The following GUCA1A variants were observed in gnomAD, a reference collection of about 807,000 sequenced individuals.
GUCA1A encodes the protein guanylyl cyclase-activating protein 1.
In GUCA1A, 14 loss-of-function variants were observed where a neutral mutation model predicts 18.5. The observed-to-expected ratio is 0.76, with a 90% confidence interval of 0.50 to 1.18. The LOEUF is 1.18. Among genes scored for constraint, GUCA1A ranks in the 50% most tolerant of loss-of-function variants. The probability of loss-of-function intolerance (pLI) is 0.00; values close to 1 mark genes in which losing one functional copy is unlikely to be tolerated. For missense variants in GUCA1A, 264 were observed against 262.4 expected, an observed-to-expected ratio of 1.01 and a Z score of -0.04; for synonymous variants, 97 against 100.2, an observed-to-expected ratio of 0.97 and a Z score of 0.19.
In GUCA1A at chr6:42,179,500, C is replaced by A; in HGVS notation, c.*97C>A. 1.9e-6 allele frequency: 2 copies of A among 1,076,062 alleles called. No homozygotes were observed. The highest frequency in any genetic ancestry group is 2.6e-6 in the Non-Finnish European group (2 of 758,850). The allele number at this position is 1,076,062 out of a possible 1,614,324, so 66.7% of individuals were successfully genotyped here. A position where few individuals can be genotyped will look rare whatever the true frequency, so the allele number is the denominator to read the frequency against. ...TTAACCCTAGATAGAATCTAATGAA[C>A]TCAGAGGCTTAGCTCGCCTCTTTAG... On this transcript the variant is annotated 3_prime_UTR_variant, in exon 4 of 4. Transcript: ENST00000372958.
At chr6:42,177,491 T>C (rs1297460436) in intron 1 of GUCA1A, among the ~76,000 whole-genome samples, 1 of 152,064 alleles carries the variant, frequency 6.6e-6, no homozygotes, top group Non-Finnish European at 1.5e-5. Context: ...TTATCCAAGG[T>C]GATTTAGATC....
intron 3 of GUCA1A, among the ~76,000 whole-genome samples, 170 bp downstream of exon 3, chr6:42,179,065 AG>A (rs1444660428): frequency 6.6e-5 from 10 of 151,942 alleles, no homozygotes; most frequent in Admixed American, 5.2e-4. Context: ...GTTGGCTTTT[AG>A]GGGCCCCTGG....
Position 42,173,563 on chromosome 6 carries a change from AG to A in GUCA1A, c.-50del, listed in dbSNP as rs1562056729. On this transcript the variant is annotated 5_prime_UTR_variant, in exon 1 of 4. Coordinates refer to ENST00000372958, the MANE Select transcript of GUCA1A (RefSeq NM_001384910.1). ...GCCAAGACACCTTTGGGCGAGGAGC[AG>A]CGAACAGGGCCTGTCCATCTCAGAC... The A allele has an allele frequency of 6.9e-7, 1 of 1,456,288 alleles. No homozygotes were observed. Among genetic ancestry groups the A allele is most frequent in the Admixed American group, 1.7e-5 (1 of 59,850 alleles). The allele number at this position is 1,456,288 out of a possible 1,614,324, so 90.2% of individuals were successfully genotyped here. A position where few individuals can be genotyped will look rare whatever the true frequency, so the allele number is the denominator to read the frequency against.
In GUCA1A at chr6:42,177,731, G is replaced by T. The variant is rs79104246; in HGVS notation, c.202-549G>T. Among the ~76,000 whole-genome samples, 617 of 152,310 alleles carry T rather than the reference G, an allele frequency of 4.1e-3. 1 individual carries two copies. The highest frequency in any genetic ancestry group is 0.013 in the African/African-American group (525 of 41,568). On this transcript the variant is annotated intron_variant, in intron 1 of 3. Transcript: ENST00000372958. Reference sequence around the variant, plus strand: ...TAGGGGCCTCTCTGGGCTCTGTGCTGATGACAGTCCTGGGAGGTGGGTTGG... The same window carrying T: ...TAGGGGCCTCTCTGGGCTCTGTGCTTATGACAGTCCTGGGAGGTGGGTTGG...
intron 1 of GUCA1A, among the ~76,000 whole-genome samples, chr6:42,175,138 G>C (rs957778294): frequency 4.6e-5 from 7 of 152,130 alleles, no homozygotes; most frequent in Non-Finnish European, 7.4e-5. Flanking sequence ...CCCGAAGAAG[G>C]AATAACTCCT....
chr6:42,175,043 G>A lies in GUCA1A; in HGVS notation c.201+1229G>A, dbSNP rs979392013. On this transcript the variant is annotated intron_variant, in intron 1 of 3. Coordinates refer to ENST00000372958, the MANE Select transcript of GUCA1A (RefSeq NM_001384910.1). ...TATGAGGGAGCCCAAGGGCTTTCCC[G>A]AAGCGGGAGCAGGTGAGCAGAGTCC... is the stretch of plus-strand genomic sequence containing the variant. Among the ~76,000 whole-genome samples, 7 of 152,210 alleles carry A rather than the reference G, an allele frequency of 4.6e-5. No homozygotes were observed. The South Asian group carries it at 8.3e-4, about 18-fold the overall frequency.
chr6:42,173,846 G>C, intron 1 of GUCA1A, 32 bp downstream of exon 1: 7 of 1,525,036 alleles, frequency 4.6e-6, no homozygotes, highest in African/African-American at 1.4e-5. Flanking sequence ...GGGAGGGGAA[G>C]TGCTGGAGGG....
At chr6:42,176,491 T>C (rs1175811876) in intron 1 of GUCA1A, among the ~76,000 whole-genome samples, 18 of 152,124 alleles carry the variant, frequency 1.2e-4, no homozygotes, top group Admixed American at 1.2e-3. Flanking sequence ...TGGAGTGCAA[T>C]GGCACGATCT....
In GUCA1A at chr6:42,179,346, C is replaced by A. The variant is rs752273770; in HGVS notation, c.549C>A (p.Leu183=). 13 of 1,613,164 alleles carry A rather than the reference C, an allele frequency of 8.1e-6. No individual in the cohort carries two copies. The highest frequency in any genetic ancestry group is 1.1e-5 in the South Asian group (1 of 90,992). The stretch of plus-strand genomic sequence containing the variant: ...ACCTTACCCGCATCGTGCGCAGGCT[C>A]CAGAATGGCGAGCAAGACGAGGAGG... ...SLDLTRIVRR[L]QNGEQDEEGA... Residue 183 remains leucine (L), a synonymous_variant, in exon 4 of 4, where the codon CTC becomes CTA. Coordinates refer to ENST00000372958, the MANE Select transcript of GUCA1A (RefSeq NM_001384910.1).
At chr6:42,178,256 AC>A (rs747342114) in intron 1 of GUCA1A, 23 bp from the exon 2 acceptor site, 2 of 1,612,446 alleles carry the variant, frequency 1.2e-6, no homozygotes, top group Non-Finnish European at 1.7e-6. Context: ...GGATGGGCTC[AC>A]GGCGGCCGCG....
chr6:42,173,512 T>C lies in GUCA1A; in HGVS notation c.-102T>C, dbSNP rs374500273. 12 of 886,380 alleles carry C rather than the reference T, an allele frequency of 1.4e-5. No homozygotes were observed. The highest frequency in any genetic ancestry group is 2.1e-5 in the Non-Finnish European group (11 of 534,394). The allele number at this position is 886,380 out of a possible 1,614,324, so 54.9% of individuals were successfully genotyped here. A position where few individuals can be genotyped will look rare whatever the true frequency, so the allele number is the denominator to read the frequency against. On this transcript the variant is annotated 5_prime_UTR_variant, in exon 1 of 4. Coordinates refer to ENST00000372958, the MANE Select transcript of GUCA1A (RefSeq NM_001384910.1). ...TGCTCAGGCCTGAAGGACTCAGGCCTGTGAGAGAGGACGGCCCCGTTGTCG... is the reference window on the plus strand; with the variant it reads ...TGCTCAGGCCTGAAGGACTCAGGCCCGTGAGAGAGGACGGCCCCGTTGTCG...
At chr6:42,175,032 A>G (rs928796238) in intron 1 of GUCA1A, among the ~76,000 whole-genome samples, 1 of 152,214 alleles carries the variant, frequency 6.6e-6, no homozygotes, top group Admixed American at 6.5e-5. Flanking sequence ...AGGGAGCCCA[A>G]GGGCTTTCCC....
Position 42,173,878 on chromosome 6 carries a change from G to C in GUCA1A, c.201+64G>C, listed in dbSNP as rs1767883079. Reference sequence around the variant, plus strand: ...AGGGACCCCTCTGGAAGCCTGACCAGCTGGGGGTGAGGAAGAGCAGAGAGG... The same window carrying C: ...AGGGACCCCTCTGGAAGCCTGACCACCTGGGGGTGAGGAAGAGCAGAGAGG... On this transcript the variant is annotated intron_variant, in intron 1 of 3. Coordinates refer to ENST00000372958, the MANE Select transcript of GUCA1A (RefSeq NM_001384910.1). The C allele has an allele frequency of 2.8e-5, 35 of 1,239,650 alleles. 1 individual carries two copies. The South Asian group carries it at 3.8e-4, about 14-fold the overall frequency. The allele number at this position is 1,239,650 out of a possible 1,614,324, so 76.8% of individuals were successfully genotyped here.
Position 42,173,558 on chromosome 6 carries a change from G to C in GUCA1A, c.-56G>C. The C allele has an allele frequency of 8.4e-6, 12 of 1,427,002 alleles. 1 individual carries two copies. In the South Asian group the frequency reaches 1.3e-4, roughly 15 times the overall value. The allele number at this position is 1,427,002 out of a possible 1,614,324, so 88.4% of individuals were successfully genotyped here. A position where few individuals can be genotyped will look rare whatever the true frequency, so the allele number is the denominator to read the frequency against. On this transcript the variant is annotated 5_prime_UTR_variant, in exon 1 of 4. Transcript: ENST00000372958. Reference sequence around the variant, plus strand: ...TGTCGGCCAAGACACCTTTGGGCGAGGAGCAGCGAACAGGGCCTGTCCATC... The same window carrying C: ...TGTCGGCCAAGACACCTTTGGGCGACGAGCAGCGAACAGGGCCTGTCCATC...
intron 1 of GUCA1A, 39 bp from the exon 2 acceptor site, chr6:42,178,241 G>A: frequency 1.2e-6 from 2 of 1,611,524 alleles, no homozygotes; most frequent in Non-Finnish European, 1.7e-6. Context: ...GAGTGAGCGG[G>A]GCCCGGATGG....
rs778379606 is a variant in GUCA1A, at chr6:42,173,662, G to A, written c.49G>A (p.Glu17Lys). The change falls in exon 1 of 4, where the codon GAG becomes AAG. Residue 17 changes from glutamate (E) to lysine (K), a missense_variant. By Grantham distance (56) the Glu-to-Lys change is moderately conservative. Transcript: ENST00000372958. ...GKSVEELSST[E>K]CHQWYKKFMT... ...GTCAGTGGAGGAGCTGAGCAGCACC[G>A]AGTGCCACCAGTGGTACAAGAAGTT... 11 of 1,614,028 alleles carry A rather than the reference G, an allele frequency of 6.8e-6. No individual in the cohort carries two copies. The Admixed American group carries it at 1.0e-4, about 15-fold the overall frequency.
chr6:42,175,956 C>T (rs1480328882), intron 1 of GUCA1A, among the ~76,000 whole-genome samples: 1 of 152,146 alleles, frequency 6.6e-6, no homozygotes, highest in Non-Finnish European at 1.5e-5. Context: ...GGACTGGTTC[C>T]CACCTCTGCA....
Position 42,173,418 on chromosome 6 carries a change from T to C in GUCA1A, c.-196T>C, listed in dbSNP as rs1767859560. ...CATCTGTGAGTTTGAGTGTGGGCCA[T>C]CATCTTCTTCCTTCTGCTCTCTCCC... On this transcript the variant is annotated 5_prime_UTR_variant, in exon 1 of 4. Transcript: ENST00000372958. 6 of 627,782 alleles carry C rather than the reference T, an allele frequency of 9.6e-6. No homozygotes were observed. The East Asian group carries it at 1.4e-4, about 14-fold the overall frequency. 38.9% of individuals were successfully genotyped at this position (627,782 alleles called of 1,614,324 possible).
intron 1 of GUCA1A, among the ~76,000 whole-genome samples, chr6:42,175,463 C>T (rs960269948): frequency 1.3e-4 from 19 of 147,800 alleles, no homozygotes; most frequent in Admixed American, 5.6e-4. Flanking sequence ...TGGGCTCAAG[C>T]GATTCTTCTG....
Sources: allele counts gnomAD v4.1 joint callset (sites outside exome capture counted in the v4.1 genomes callset), GRCh38; gene constraint gnomAD v4.1.1; transcripts MANE v1.5; gene names NCBI Gene and HGNC (gene_info 2026-07-23, HGNC 2026-07-21).